The following TEX101 variants were observed in gnomAD, a reference collection of about 807,000 sequenced individuals.
The protein encoded by TEX101 is testis expressed 101, also known as testis-expressed protein 101.
Under a neutral mutation model 18.1 loss-of-function variants are expected in TEX101, and 10 were observed. The observed-to-expected ratio is 0.55, with a 90% confidence interval of 0.34 to 0.94. The LOEUF (loss-of-function observed/expected upper bound fraction) is 0.94. TEX101 is among the 40% of genes least tolerant of loss of function. The pLI, the probability that TEX101 is intolerant of heterozygous loss-of-function variation, is 0.02. For missense variants in TEX101, 259 were observed against 298.9 expected (o/e 0.87, Z 0.98); for synonymous variants, 94 against 114.8 (o/e 0.82, Z 1.16).
chr19:43,412,991 A>G (rs1336553101), upstream of TEX101, among the ~76,000 whole-genome samples: 3 of 152,182 alleles, frequency 2.0e-5, no homozygotes, highest in Non-Finnish European at 2.9e-5. Flanking sequence ...CAACCTTGGC[A>G]CCACCACCCA....
At chr19:43,403,208 T>C (rs1337635345) in intron 2 of TEX101, among the ~76,000 whole-genome samples, 2 of 152,208 alleles carry the variant, frequency 1.3e-5, no homozygotes, top group Admixed American at 1.3e-4. Context: ...ATTCCTAAGA[T>C]GTAATTATAC....
chr19:43,412,641 G>A (rs182959218), upstream of TEX101, among the ~76,000 whole-genome samples: 12 of 152,232 alleles, frequency 7.9e-5, no homozygotes, highest in Admixed American at 5.9e-4. Flanking sequence ...ACGAGCCCTC[G>A]GGGGACAGAC....
upstream of TEX101, among the ~76,000 whole-genome samples, chr19:43,398,693 C>CAA (rs1976346430): frequency 6.6e-6 from 1 of 152,130 alleles, no homozygotes; most frequent in Admixed American, 6.6e-5. Flanking sequence ...ACAGAAGGCC[C>CAA]AAAGTGGAGT....
the TEX101 span, among the ~76,000 whole-genome samples, chr19:43,392,842 G>A: frequency 6.6e-6 from 1 of 152,168 alleles, no homozygotes; most frequent in Non-Finnish European, 1.5e-5. Flanking sequence ...TGGATCATTT[G>A]AGATTAGGAG....
chr19:43,415,026 C>A lies in TEX101; in HGVS notation c.-52C>A. 1.0e-6 allele frequency: 1 copy of A among 985,394 alleles called. No individual in the cohort carries two copies. The highest frequency in any genetic ancestry group is 1.7e-5 in the African/African-American group (1 of 57,348). 61.0% of individuals were successfully genotyped at this position (985,394 alleles called of 1,614,324 possible). A position where few individuals can be genotyped will look rare whatever the true frequency, so the allele number is the denominator to read the frequency against. ...AAAAAGAAGGCTAGGGACTCAGATT[C>A]CTGGATTCTGAGGAAAGAGAAGGCT... On this transcript the variant is annotated 5_prime_UTR_variant, in exon 1 of 6. Transcript: ENST00000598265.
chr19:43,392,751 A>G, the TEX101 span, among the ~76,000 whole-genome samples: 104 of 152,216 alleles, frequency 6.8e-4, 1 homozygote, highest in Non-Finnish European at 8.7e-4. Context: ...AAGGACACTC[A>G]TAAATACACA....
In TEX101 at chr19:43,415,912, A is replaced by C. The variant is rs1266557254; in HGVS notation, c.-8A>C. The stretch of plus-strand genomic sequence containing the variant: ...ACCAGCTCCTCCCAGACCTCTCCAG[A>C]AGAAGCCATGGGAACCCCTCGTATC... On this transcript the variant is annotated 5_prime_UTR_variant, in exon 2 of 6. Coordinates refer to ENST00000598265, the MANE Select transcript of TEX101 (RefSeq NM_001130011.3). The C allele has an allele frequency of 1.2e-6, 2 of 1,614,150 alleles. No individual in the cohort carries two copies. The highest frequency in any genetic ancestry group is 1.1e-5 in the South Asian group (1 of 91,082).
intron 3 of TEX101, 40 bp from the exon 4 acceptor site, chr19:43,416,333 C>A (rs531459425): frequency 1.3e-6 from 2 of 1,592,242 alleles, no homozygotes; most frequent in African/African-American, 1.3e-5. Context: ...CCAATTGTGA[C>A]GGCCACCATC....
At chr19:43,401,860 G>A (rs1334483968) in intron 1 of TEX101, among the ~76,000 whole-genome samples, 2 of 151,880 alleles carry the variant, frequency 1.3e-5, no homozygotes, top group African/African-American at 4.8e-5. Flanking sequence ...AAAAAAAAGA[G>A]AAAACTTAAA....
In TEX101 at chr19:43,418,212, A is replaced by G. The variant is rs1323200465; in HGVS notation, c.565A>G (p.Ile189Val). 3 of 1,614,148 alleles carry G rather than the reference A, an allele frequency of 1.9e-6. No homozygotes were observed. The highest frequency in any genetic ancestry group is 2.5e-6 in the Non-Finnish European group (3 of 1,180,020). The change falls in exon 6 of 6, where the codon ATT (isoleucine) becomes GTT (valine). Residue 189 changes from isoleucine (I) to valine (V), a missense_variant. By Grantham distance (29) the Ile-to-Val change is conservative. Transcript: ENST00000598265. ...SVEVKGCTAM[I>V]GCRLMSGILA... ...GGAGGTCAAAGGCTGTACAGCCATG[A>G]TTGGCTGCAGGCTGATGTCTGGAAT...
At chr19:43,400,928 T>A (rs1324086075), upstream of TEX101, among the ~76,000 whole-genome samples, 2 of 152,206 alleles carry the variant, frequency 1.3e-5, no homozygotes, top group African/African-American at 4.8e-5. Context: ...TATGTTTTTT[T>A]AAATATTTTA....
the TEX101 span, among the ~76,000 whole-genome samples, chr19:43,389,169 A>G: frequency 1.3e-5 from 2 of 152,278 alleles, no homozygotes; most frequent in South Asian, 2.1e-4. Flanking sequence ...CACGGTACAT[A>G]TTCTCTGGCT....
chr19:43,411,634 CT>C (rs1046978286), upstream of TEX101, among the ~76,000 whole-genome samples: 5 of 151,476 alleles, frequency 3.3e-5, no homozygotes, highest in African/African-American at 7.3e-5. Context: ...TCCTCATTTT[CT>C]TTTTTTTCTT....
At chr19:43,405,667 G>A (rs891431477) in intron 2 of TEX101, among the ~76,000 whole-genome samples, 1 of 151,690 alleles carries the variant, frequency 6.6e-6, no homozygotes, top group African/African-American at 2.4e-5. Flanking sequence ...ACTCACGCCT[G>A]TAATCCCAGC....
chr19:43,394,340 A>T, the TEX101 span, among the ~76,000 whole-genome samples: 39 of 150,632 alleles, frequency 2.6e-4, no homozygotes, highest in Admixed American at 7.3e-4. Flanking sequence ...GCATCCTACA[A>T]TGTTCTTGCA....
intron 2 of TEX101, 22 bp downstream of exon 2, chr19:43,416,005 G>T (rs756098354): frequency 6.2e-7 from 1 of 1,613,460 alleles, no homozygotes. Flanking sequence ...GGACATAGGG[G>T]AGAGCCGTGT....
upstream of TEX101, among the ~76,000 whole-genome samples, chr19:43,411,737 G>A (rs771252543): frequency 2.6e-5 from 4 of 151,240 alleles, no homozygotes; most frequent in Admixed American, 6.6e-5. Flanking sequence ...TGCAACCTCC[G>A]CCTCCCAGGT....
intron 3 of TEX101, among the ~76,000 whole-genome samples, chr19:43,406,939 T>TTG (rs1568456344): frequency 2.0e-5 from 3 of 150,898 alleles, no homozygotes; most frequent in Non-Finnish European, 4.4e-5. Flanking sequence ...TTGTTTTTTT[T>TTG]TTTTTTTTTG....
chr19:43,408,617 C>T (rs1428642571), intron 3 of TEX101, among the ~76,000 whole-genome samples: 2 of 152,184 alleles, frequency 1.3e-5, no homozygotes, highest in African/African-American at 4.8e-5. Context: ...TGACGCCCAC[C>T]GTGAGAAGTG....
Sources: allele counts gnomAD v4.1 joint callset (sites outside exome capture counted in the v4.1 genomes callset), GRCh38; gene constraint gnomAD v4.1.1; transcripts MANE v1.5; gene names NCBI Gene and HGNC (gene_info 2026-07-23, HGNC 2026-07-21).